Variants in MAGIX observed in about 807,000 individuals in gnomAD.
MAGIX encodes the protein MAGI family member, X-linked.
MAGIX carries 13 observed loss-of-function variants against 10.0 expected under a neutral mutation model. The ratio of observed to expected loss-of-function variants is 1.30; its 90% CI spans 0.84 to 2.06. The LOEUF is 2.06. MAGIX is among the 30% of genes most tolerant of loss of function. The pLI, the probability that MAGIX is intolerant of heterozygous loss-of-function variation, is 0.00. For synonymous variants in MAGIX, 108 were observed against 106.8 expected (o/e 1.01, Z -0.07); for missense variants, 235 against 245.2 (o/e 0.96, Z 0.28).
intron 4 of MAGIX, 79 bp downstream of exon 5, chrX:49,165,440 G>T: frequency 2.1e-6 from 2 of 951,416 alleles, no homozygotes; most frequent in East Asian, 6.7e-5. Context: ...CTGAGATTCT[G>T]GGTGGGAAGG....
intron 4 of MAGIX, 180 bp downstream of exon 5, chrX:49,165,541 T>G: frequency 2.5e-6 from 1 of 406,260 alleles, no homozygotes; most frequent in Non-Finnish European, 4.1e-6. Context: ...AGGATAGGAA[T>G]AACGTAGGGG....
chrX:49,162,910 C>T lies in MAGIX; in HGVS notation c.-202+165C>T, dbSNP rs1210673259. ...TGGCCATGGAGCCGCGCACAGGGGA[C>T]GCCGCGGACCCTAGGGGGAGCAGAG... On this transcript the variant is annotated intron_variant, in intron 1 of 4. Coordinates refer to ENST00000616266, the Ensembl canonical transcript of MAGIX. The T allele has an allele frequency of 2.4e-3, 2,062 of 848,905 alleles. 23 individuals are homozygous for T. The Admixed American group carries it at 0.033, about 14-fold the overall frequency. The allele number at this position is 848,905 out of a possible 1,213,427, so 70.0% of individuals were successfully genotyped here.
In MAGIX at chrX:49,162,899, C is replaced by T. The variant is rs782494547; in HGVS notation, c.-202+154C>T. 7,459 of 893,041 alleles carry T rather than the reference C, an allele frequency of 8.4e-3. 439 individuals are homozygous for T. The African/African-American group carries it at 0.15, about 17-fold the overall frequency. 73.6% of individuals were successfully genotyped at this position (893,041 alleles called of 1,213,427 possible). ...CGGCGGACTACTGGCCATGGAGCCG[C>T]GCACAGGGGACGCCGCGGACCCTAG... On this transcript the variant is annotated intron_variant, in intron 1 of 4. Transcript: ENST00000616266.
chrX:49,163,109 C>T, intron 1 of MAGIX, 171 bp downstream of exon 1: 1 of 298,556 alleles, frequency 3.3e-6, no homozygotes, highest in Non-Finnish European at 6.0e-6. Flanking sequence ...GCTGGAGGTC[C>T]CCTACCCACA....
exon 5 of MAGIX, chrX:49,166,813 C>G (rs945117260): frequency 1.5e-5 from 2 of 134,121 alleles, no homozygotes; most frequent in African/African-American, 3.2e-5. Context: ...TTCTCTTCGC[C>G]GTCTCCTGCT....
At chrX:49,165,342 A>G in exon 4 of MAGIX, 1 of 1,168,786 alleles carries the variant, frequency 8.6e-7, no homozygotes, top group Non-Finnish European at 1.1e-6. Flanking sequence ...GAGGGGTGGG[A>G]GAGCCCCGAA....
intron 1 of MAGIX, 57 bp downstream of exon 1, chrX:49,162,995 C>G (rs1483405321): frequency 2.5e-6 from 1 of 399,317 alleles, no homozygotes. Context: ...ATCCCCGTCC[C>G]GCCTGTCTGC....
chrX:49,163,532 G>A (rs2065343616), intron 1 of MAGIX: 1 of 240,320 alleles, frequency 4.2e-6, no homozygotes, highest in African/African-American at 2.9e-5. Context: ...GGTGTTCGGA[G>A]GTGTCTAGGA....
In MAGIX at chrX:49,164,813, AG is replaced by A. The variant is rs782043121; in HGVS notation, c.55del (p.Ala19ProfsTer20). Reference sequence around the variant, plus strand: ...AGGTACCATCTCATCCTTCTATCGGAGGCCTCCTGCCTCAGGGCAAACTATG... The same window carrying A: ...AGGTACCATCTCATCCTTCTATCGGAGCCTCCTGCCTCAGGGCAAACTATG... On this transcript the variant is annotated frameshift_variant, in exon 3 of 5. Transcript: ENST00000616266. LOFTEE classifies it high-confidence loss of function. 1 of 1,209,681 alleles carries A rather than the reference AG, an allele frequency of 8.3e-7. No homozygotes were observed.
intron 4 of MAGIX, 100 bp downstream of exon 5, chrX:49,165,461 C>T: frequency 6.1e-6 from 5 of 824,862 alleles, no homozygotes; most frequent in Non-Finnish European, 8.3e-6. Context: ...GTTTGGTGGT[C>T]TCTGTGGGGA....
At position 49,163,779 on chromosome X, in the gene MAGIX, G is replaced by T. The variant is rs782249756; in HGVS notation, c.-201-4G>T. 4.8e-6 allele frequency: 5 copies of T among 1,042,547 alleles called. No homozygotes were observed. In the South Asian group the frequency reaches 1.1e-4, roughly 22 times the overall value. 85.9% of individuals were successfully genotyped at this position (1,042,547 alleles called of 1,213,427 possible). A position where few individuals can be genotyped will look rare whatever the true frequency, so the allele number is the denominator to read the frequency against. ...GGCGTTGACCTGTCCCCTCTTGCGC[G>T]CAGGCCGCGGCCCCTCCCCGCTCGC... On this transcript the variant is annotated splice_polypyrimidine_tract_variant and splice_region_variant and intron_variant, in intron 1 of 4. Coordinates refer to ENST00000616266, the Ensembl canonical transcript of MAGIX.
chrX:49,162,863 C>A lies in MAGIX; in HGVS notation c.-202+118C>A. The stretch of plus-strand genomic sequence containing the variant: ...AGCTCAAAATTCGTAGCTGGCAGCC[C>A]TGCGTCCACCCGGCGGACTACTGGC... On this transcript the variant is annotated intron_variant, in intron 1 of 4. In the 5' UTR this introduces an upstream ATG that the reference lacks. Transcript: ENST00000616266. 4.4e-6 allele frequency: 4 copies of A among 901,498 alleles called. No individual in the cohort carries two copies. Among genetic ancestry groups the A allele is most frequent in the Admixed American group, 3.9e-5 (1 of 25,336 alleles). The allele number at this position is 901,498 out of a possible 1,213,427, so 74.3% of individuals were successfully genotyped here. A position where few individuals can be genotyped will look rare whatever the true frequency, so the allele number is the denominator to read the frequency against.
chrX:49,166,189 C>T (rs200487383), exon 5 of MAGIX: 11 of 1,211,253 alleles, frequency 9.1e-6, no homozygotes, highest in East Asian at 3.0e-5. Flanking sequence ...TCAAGAAGAC[C>T]CGGGGCAGCC....
Position 49,162,847 on chromosome X carries a change from T to C in MAGIX, c.-202+102T>C, listed in dbSNP as rs2147859782. ...GGTGAGCGCGCCCCAGAGCTCAAAA[T>C]TCGTAGCTGGCAGCCCTGCGTCCAC... is the stretch of plus-strand genomic sequence containing the variant. On this transcript the variant is annotated intron_variant, in intron 1 of 4. Transcript: ENST00000616266. 8 of 848,749 alleles carry C rather than the reference T, an allele frequency of 9.4e-6. No homozygotes were observed. In the South Asian group the frequency reaches 1.5e-4, roughly 16 times the overall value. 69.9% of individuals were successfully genotyped at this position (848,749 alleles called of 1,213,427 possible).
intron 1 of MAGIX, chrX:49,162,884 C>T: frequency 2.2e-6 from 2 of 904,170 alleles, no homozygotes. Context: ...CGGCGGACTA[C>T]TGGCCATGGA....
exon 5 of MAGIX, chrX:49,166,232 C>A: frequency 8.3e-7 from 1 of 1,207,574 alleles, no homozygotes; most frequent in Non-Finnish European, 1.1e-6. Flanking sequence ...CGCCGATGGC[C>A]CCACGGTTTC....
chrX:49,163,573 C>T, intron 1 of MAGIX: 2 of 284,309 alleles, frequency 7.0e-6, no homozygotes, highest in Non-Finnish European at 1.2e-5. Flanking sequence ...TCTCCAGGGA[C>T]ACCGTGGGAG....
chrX:49,166,574 G>T, exon 5 of MAGIX: 2 of 428,849 alleles, frequency 4.7e-6, no homozygotes, highest in Non-Finnish European at 7.9e-6. Context: ...GACCCTTCCA[G>T]CCGGCTAGCC....
At chrX:49,162,871 A>C in intron 1 of MAGIX, 1 of 900,819 alleles carries the variant, frequency 1.1e-6, no homozygotes, top group Non-Finnish European at 1.5e-6. Context: ...CCCTGCGTCC[A>C]CCCGGCGGAC....
Sources: allele counts gnomAD v4.1 joint callset, GRCh38; gene constraint gnomAD v4.1.1; transcripts MANE v1.5; gene names NCBI Gene and HGNC (gene_info 2026-07-23, HGNC 2026-07-21).